Variants in SOX5 observed in about 807,000 individuals in gnomAD.
SOX5 encodes SRY-box transcription factor 5, also known as transcription factor SOX-5.
Under a neutral mutation model 92.0 loss-of-function variants are expected in SOX5, and 9 were observed. The ratio of observed to expected loss-of-function variants is 0.10; its 90% CI spans 0.06 to 0.17. The LOEUF (loss-of-function observed/expected upper bound fraction) is 0.17. Among genes scored for constraint, SOX5 ranks in the 10% least tolerant of loss-of-function variants. The probability of loss-of-function intolerance (pLI) is 1.00; values close to 1 mark genes in which losing one functional copy is unlikely to be tolerated. For synonymous variants in SOX5, 344 were observed against 336.3 expected (o/e 1.02, Z -0.25); for missense variants, 642 against 944.5 (o/e 0.68, Z 4.20).
chr12:24,511,657 AT>A (rs1055730022), intron 1 of SOX5, among the ~76,000 whole-genome samples: 11 of 152,012 alleles, frequency 7.2e-5, no homozygotes, highest in African/African-American at 1.7e-4. Context: ...ACGACATTTT[AT>A]TTTTTTTAAA....
At chr12:24,517,260 C>T (rs1257224382) in intron 1 of SOX5, among the ~76,000 whole-genome samples, 1 of 152,132 alleles carries the variant, frequency 6.6e-6, no homozygotes, top group Admixed American at 6.5e-5. Context: ...TTCTGAATAG[C>T]TTGTAAAAAG....
intron 4 of SOX5, among the ~76,000 whole-genome samples, chr12:24,001,441 G>C (rs941636911): frequency 6.6e-6 from 1 of 151,812 alleles, no homozygotes; most frequent in Non-Finnish European, 1.5e-5. Flanking sequence ...AATAACAAAA[G>C]AAAGTTTAAA....
At chr12:23,551,834 T>C (rs1944281141) in intron 11 of SOX5, among the ~76,000 whole-genome samples, 2 of 151,854 alleles carry the variant, frequency 1.3e-5, no homozygotes, top group South Asian at 2.1e-4. Flanking sequence ...ACCCATAATT[T>C]TGTTCCAGAA....
chr12:24,512,354 TG>T (rs1949399502), intron 1 of SOX5, among the ~76,000 whole-genome samples: 1 of 152,240 alleles, frequency 6.6e-6, no homozygotes, highest in African/African-American at 2.4e-5. Flanking sequence ...AAATCCTTTT[TG>T]AAATTAAGCA....
chr12:23,823,311 T>C (rs1469613285), intron 3 of SOX5, among the ~76,000 whole-genome samples: 2 of 152,174 alleles, frequency 1.3e-5, no homozygotes, highest in African/African-American at 4.8e-5. Flanking sequence ...GCAGGCCTGG[T>C]GGTGACAAAA....
intron 3 of SOX5, among the ~76,000 whole-genome samples, chr12:24,240,101 A>G (rs1965288129): frequency 6.6e-6 from 1 of 152,220 alleles, no homozygotes; most frequent in African/African-American, 2.4e-5. Flanking sequence ...TTCCTTTTAA[A>G]AAATAAAAAC....
chr12:23,791,018 C>G (rs184689037), intron 3 of SOX5, among the ~76,000 whole-genome samples: 1 of 152,132 alleles, frequency 6.6e-6, no homozygotes, highest in Non-Finnish European at 1.5e-5. Flanking sequence ...CAGTAAATAA[C>G]GTTACCAGTC....
intron 6 of SOX5, among the ~76,000 whole-genome samples, chr12:23,681,419 A>G (rs2086609565): frequency 6.6e-6 from 1 of 151,932 alleles, no homozygotes; most frequent in African/African-American, 2.4e-5. Flanking sequence ...TACAATAAAT[A>G]TAAGTGGAGT....
chr12:23,570,931 AT>A (rs1240358502), intron 10 of SOX5, among the ~76,000 whole-genome samples: 1,551 of 16,486 alleles, frequency 0.094, 205 homozygotes, highest in East Asian at 0.44. Flanking sequence ...AAAAAAAAAA[AT>A]ATATATATAT....
At chr12:24,471,508 T>A (rs563148262) in intron 1 of SOX5, among the ~76,000 whole-genome samples, 1 of 152,216 alleles carries the variant, frequency 6.6e-6, no homozygotes, top group Admixed American at 6.5e-5. Context: ...ATGATAAAGA[T>A]GTATGAGATT....
At chr12:23,601,842 T>G (rs991131961) in intron 9 of SOX5, among the ~76,000 whole-genome samples, 2 of 152,182 alleles carry the variant, frequency 1.3e-5, no homozygotes, top group Non-Finnish European at 2.9e-5. Context: ...ATTTTACTGC[T>G]GAGCTAAAAC....
intron 4 of SOX5, among the ~76,000 whole-genome samples, chr12:24,192,186 A>G (rs555282845): frequency 7.2e-5 from 11 of 152,344 alleles, no homozygotes; most frequent in African/African-American, 2.6e-4. Flanking sequence ...TGGAAATGAT[A>G]GAGTTTGTAT....
At chr12:24,061,323 C>T (rs373797903) in intron 4 of SOX5, among the ~76,000 whole-genome samples, 3 of 152,170 alleles carry the variant, frequency 2.0e-5, no homozygotes, top group African/African-American at 7.2e-5. Flanking sequence ...CCCTTTCTTC[C>T]AAGCTAATCT....
At chr12:24,493,811 C>T (rs942549435) in intron 1 of SOX5, among the ~76,000 whole-genome samples, 19 of 150,758 alleles carry the variant, frequency 1.3e-4, no homozygotes, top group African/African-American at 4.2e-4. Flanking sequence ...TTGCCCTGAG[C>T]GGAGATTGCA....
At position 24,101,467 on chromosome 12, in the gene SOX5, T is replaced by A. The variant is rs79649106; in HGVS notation, c.-2+111876A>T. 3.3e-3 allele frequency among the ~76,000 whole-genome samples: 502 copies of A among 152,278 alleles called. 8 individuals are homozygous for A. Among genetic ancestry groups the A allele is most frequent in the Admixed American group, 0.019 (293 of 15,282 alleles). The stretch of plus-strand genomic sequence containing the variant: ...CGTTTCAATCTACAATTACCTTTTT[T>A]AACTTAATTATTGTCTACTTGCCCC... On this transcript the variant is annotated intron_variant, in intron 4 of 4. Coordinates refer to the SOX5 transcript ENST00000446891.
chr12:24,255,026 G>A (rs1199701665), intron 3 of SOX5, among the ~76,000 whole-genome samples: 1 of 152,056 alleles, frequency 6.6e-6, no homozygotes, highest in African/African-American at 2.4e-5. Context: ...AGAAAAGAAA[G>A]CAATGCAAAA....
intron 3 of SOX5, among the ~76,000 whole-genome samples, chr12:24,220,732 C>T (rs1044376022): frequency 6.6e-6 from 1 of 152,092 alleles, no homozygotes; most frequent in Non-Finnish European, 1.5e-5. Flanking sequence ...TAGCATTCTG[C>T]CTGCTCTTAA....
chr12:23,534,689 T>TTTTTC (rs200049834), intron 14 of SOX5, among the ~76,000 whole-genome samples, 167 bp from the exon 15 acceptor site: 3 of 149,300 alleles, frequency 2.0e-5, no homozygotes, highest in African/African-American at 4.9e-5. Flanking sequence ...TAATACCTTG[T>TTTTTC]TTTTCTTTTC....
chr12:24,409,318 A>T (rs1237477083), intron 1 of SOX5, among the ~76,000 whole-genome samples: 1 of 151,920 alleles, frequency 6.6e-6, no homozygotes, highest in East Asian at 1.9e-4. Context: ...AACAATATAC[A>T]CCACCAGAGC....
Sources: allele counts gnomAD v4.1 joint callset (sites outside exome capture counted in the v4.1 genomes callset), GRCh38; gene constraint gnomAD v4.1.1; transcripts MANE v1.5; gene names NCBI Gene and HGNC (gene_info 2026-07-23, HGNC 2026-07-21).